MIR2052HG: variants seen among roughly 807,000 people sequenced by gnomAD.
MIR2052HG encodes the protein MIR2052 host gene.
chr8:74,677,528 G>A (rs1250777205), intron 2 of MIR2052HG, among the ~76,000 whole-genome samples: 1 of 152,020 alleles, frequency 6.6e-6, no homozygotes, highest in Non-Finnish European at 1.5e-5. Flanking sequence ...TAGATTAGAA[G>A]TAAATTGCAA....
rs182726588 is a variant in MIR2052HG, at chr8:74,644,752, A to G, written n.216+31812A>G. On this transcript the variant is annotated intron_variant and non_coding_transcript_variant, in intron 2 of 6. Coordinates refer to ENST00000523442, the Ensembl canonical transcript of MIR2052HG. The stretch of plus-strand genomic sequence containing the variant: ...CAATAAATAAATAAATTAGCCGGGC[A>G]TGGTGGTGCATGCCTGTGGTCCCAG... Among the ~76,000 whole-genome samples the G allele has an allele frequency of 2.3e-3, 356 of 152,096 alleles. 1 individual carries two copies. Among genetic ancestry groups the G allele is most frequent in the African/African-American group, 7.9e-3 (327 of 41,520 alleles).
At chr8:74,610,601 C>CTAAAGGT (rs1808180794) in intron 1 of MIR2052HG, among the ~76,000 whole-genome samples, 1 of 151,198 alleles carries the variant, frequency 6.6e-6, no homozygotes, top group African/African-American at 2.4e-5. Flanking sequence ...CCTTCAAAAA[C>CTAAAGGT]CTTTATAAAG....
intron 2 of MIR2052HG, among the ~76,000 whole-genome samples, chr8:74,686,419 T>A (rs1235613288): frequency 6.6e-6 from 1 of 152,034 alleles, no homozygotes; most frequent in Non-Finnish European, 1.5e-5. Context: ...GAGAGCTTGA[T>A]TTGTAGAACC....
rs34579564 is a variant in MIR2052HG at position 74,603,039 on chromosome 8, C to CAAA, written n.128+3146_128+3148dup. On this transcript the variant is annotated intron_variant and non_coding_transcript_variant, in intron 1 of 6. Transcript: ENST00000523442. Reference sequence around the variant, plus strand: ...AACAAAACAAAACAAAACAAAACACCAAAAAAAAAAAAAAAAATCCCAGGT... The same window carrying CAAA: ...AACAAAACAAAACAAAACAAAACACCAAAAAAAAAAAAAAAAAAAATCCCAGGT... Among the ~76,000 whole-genome samples, 941 of 123,980 alleles carry CAAA rather than the reference C, an allele frequency of 7.6e-3. 9 individuals carry two copies. Among genetic ancestry groups the CAAA allele is most frequent in the African/African-American group, 0.018 (581 of 33,006 alleles). 81.3% of individuals were successfully genotyped at this position (123,980 alleles called of 152,430 possible).
intron 2 of MIR2052HG, among the ~76,000 whole-genome samples, chr8:74,621,879 C>A (rs1808366305): frequency 6.6e-6 from 1 of 152,178 alleles, no homozygotes; most frequent in Non-Finnish European, 1.5e-5. Flanking sequence ...CCTTATCTTA[C>A]ACCATGTACA....
intron 4 of MIR2052HG, among the ~76,000 whole-genome samples, chr8:74,704,206 C>A (rs1033145731): frequency 6.6e-6 from 1 of 151,852 alleles, no homozygotes; most frequent in African/African-American, 2.4e-5. Context: ...GGTCCTTTCC[C>A]CACTAAAGAA....
At chr8:74,638,960 G>A (rs1433225462) in intron 2 of MIR2052HG, among the ~76,000 whole-genome samples, 2 of 152,132 alleles carry the variant, frequency 1.3e-5, no homozygotes, top group Admixed American at 6.6e-5. Context: ...TAGGTCATGA[G>A]CAAAAACAAA....
At chr8:74,643,701 A>T (rs1342533674) in intron 2 of MIR2052HG, among the ~76,000 whole-genome samples, 3 of 152,156 alleles carry the variant, frequency 2.0e-5, no homozygotes, top group African/African-American at 7.2e-5. Context: ...CATTTTTTTT[A>T]AACTTTAGAG....
chr8:74,726,997 G>A (rs1809643951), intron 4 of MIR2052HG, among the ~76,000 whole-genome samples: 1 of 152,164 alleles, frequency 6.6e-6, no homozygotes, highest in African/African-American at 2.4e-5. Context: ...ACATCAGCTT[G>A]TTTCTTGGTC....
chr8:74,630,514 A>G (rs1420653383), intron 2 of MIR2052HG, among the ~76,000 whole-genome samples: 1 of 145,250 alleles, frequency 6.9e-6, no homozygotes, highest in Non-Finnish European at 1.5e-5. Context: ...ACAAAAGTGC[A>G]AAAAGATTTC....
intron 1 of MIR2052HG, among the ~76,000 whole-genome samples, chr8:74,600,506 G>C (rs200589862): frequency 6.6e-6 from 1 of 150,936 alleles, no homozygotes; most frequent in East Asian, 2.0e-4. Flanking sequence ...GGCATGAACC[G>C]GGGAGGCGGA....
intron 2 of MIR2052HG, among the ~76,000 whole-genome samples, chr8:74,635,123 T>C (rs1277787898): frequency 6.6e-6 from 1 of 152,148 alleles, no homozygotes; most frequent in Non-Finnish European, 1.5e-5. Flanking sequence ...CAAAAGGGTA[T>C]TATGGTCTCA....
At chr8:74,600,090 G>C (rs1424066458) in intron 1 of MIR2052HG, among the ~76,000 whole-genome samples, 3 of 152,130 alleles carry the variant, frequency 2.0e-5, no homozygotes, top group Admixed American at 1.3e-4. Flanking sequence ...TTCGGCTGGT[G>C]CACGGTGTGC....
intron 2 of MIR2052HG, among the ~76,000 whole-genome samples, chr8:74,700,891 C>T (rs1809350841): frequency 6.6e-6 from 1 of 152,018 alleles, no homozygotes; most frequent in Admixed American, 6.6e-5. Context: ...ATGTTTTCTT[C>T]TATGCTAAGT....
intron 4 of MIR2052HG, among the ~76,000 whole-genome samples, chr8:74,707,101 C>G (rs1317215476): frequency 6.6e-6 from 1 of 152,118 alleles, no homozygotes; most frequent in African/African-American, 2.4e-5. Flanking sequence ...CTGTGATGCA[C>G]AGTCAGTGTT....
exon 1 of MIR2052HG, chr8:74,599,824 G>T (rs1215016146): frequency 1.3e-5 from 2 of 157,370 alleles, no homozygotes; most frequent in African/African-American, 4.8e-5. Flanking sequence ...CCCTCCCCCC[G>T]CCTCGCTGCC....
At chr8:74,663,377 G>C (rs1808887879) in intron 2 of MIR2052HG, among the ~76,000 whole-genome samples, 1 of 152,142 alleles carries the variant, frequency 6.6e-6, no homozygotes, top group Admixed American at 6.5e-5. Context: ...ACCGTGTTTT[G>C]AATTGTTTGC....
chr8:74,752,581 A>G (rs753699555), intron 5 of MIR2052HG: 30 of 446,370 alleles, frequency 6.7e-5, no homozygotes, highest in South Asian at 4.6e-4. Context: ...TCTTTTCAAT[A>G]TTTATGTACT....
At chr8:74,745,746 C>A (rs1385076881) in intron 4 of MIR2052HG, among the ~76,000 whole-genome samples, 1 of 152,074 alleles carries the variant, frequency 6.6e-6, no homozygotes, top group Non-Finnish European at 1.5e-5. Context: ...ATATGGGAAA[C>A]CGTCATCAAT....
Sources: allele counts gnomAD v4.1 joint callset (sites outside exome capture counted in the v4.1 genomes callset), GRCh38; gene constraint gnomAD v4.1.1; transcripts MANE v1.5; gene names NCBI Gene and HGNC (gene_info 2026-07-23, HGNC 2026-07-21).